Variants in NAALADL2 observed in about 807,000 individuals in gnomAD.
The protein encoded by NAALADL2 is inactive N-acetylated-alpha-linked acidic dipeptidase-like protein 2.
A neutral mutation model predicts 87.2 loss-of-function variants in NAALADL2; 76 were observed. The ratio of observed to expected loss-of-function variants is 0.87; its 90% confidence interval spans 0.72 to 1.05. NAALADL2 has a LOEUF of 1.05. NAALADL2 is among the 50% of genes least tolerant of loss of function. NAALADL2 has a pLI of 0.00. For missense variants in NAALADL2, 1,089 were observed against 945.8 expected, an observed-to-expected ratio of 1.15 and a Z score of -1.99; for synonymous variants, 354 against 331.0, an observed-to-expected ratio of 1.07 and a Z score of -0.75.
chr3:175,015,570 G>A (rs183116372), intron 1 of NAALADL2, among the ~76,000 whole-genome samples: 44 of 152,128 alleles, frequency 2.9e-4, no homozygotes, highest in African/African-American at 7.2e-4. Flanking sequence ...ACTAAGAAAC[G>A]TCTTTGCCTT....
In NAALADL2 at chr3:175,810,441, A is replaced by G. The variant is rs1048185126; in HGVS notation, c.*7238A>G. On this transcript the variant is annotated 3_prime_UTR_variant, in exon 14 of 14. Coordinates refer to ENST00000454872, the MANE Select transcript of NAALADL2 (RefSeq NM_207015.3). ...TTGAAAACATAGTACTAGGAAATGA[A>G]GGCACCATTTAACAAACGTGTTCTG... 3.3e-5 allele frequency: 5 copies of G among 152,044 alleles called. No homozygotes were observed. The highest frequency in any genetic ancestry group is 1.2e-4 in the African/African-American group (5 of 41,428). 9.4% of individuals were successfully genotyped at this position (152,044 alleles called of 1,614,324 possible). A position where few individuals can be genotyped will look rare whatever the true frequency, so the allele number is the denominator to read the frequency against.
intron 9 of NAALADL2, among the ~76,000 whole-genome samples, chr3:175,530,326 C>T (rs1410541703): frequency 1.3e-5 from 2 of 152,170 alleles, no homozygotes; most frequent in Admixed American, 6.5e-5. Flanking sequence ...TTATTTGTCG[C>T]CAATTTTCCA....
intron 9 of NAALADL2, among the ~76,000 whole-genome samples, chr3:175,503,573 C>T (rs1340768255): frequency 3.3e-5 from 5 of 152,168 alleles, no homozygotes; most frequent in Non-Finnish European, 7.4e-5. Context: ...CCTCTTTTCT[C>T]TACAACCTCA....
At chr3:174,936,893 A>G (rs1226535328) in intron 1 of NAALADL2, among the ~76,000 whole-genome samples, 1 of 152,142 alleles carries the variant, frequency 6.6e-6, no homozygotes, top group African/African-American at 2.4e-5. Flanking sequence ...AAATGGAAAG[A>G]TTTGTTGTCT....
intron 2 of NAALADL2, among the ~76,000 whole-genome samples, chr3:174,622,327 A>C (rs1436816972): frequency 6.6e-6 from 1 of 152,184 alleles, no homozygotes; most frequent in Non-Finnish European, 1.5e-5. Context: ...CTCTAAACTA[A>C]GTATATCTGT....
chr3:175,670,156 T>G lies in NAALADL2; in HGVS notation c.1896+42770T>G, dbSNP rs531227848. ...AGAATGCATAAACCTGAAAGGTAAC[T>G]TGCCCAAGGCAATAGACCAGAAAGT... is the stretch of plus-strand genomic sequence containing the variant. On this transcript the variant is annotated intron_variant, in intron 11 of 13. Transcript: ENST00000454872. Among the ~76,000 whole-genome samples the G allele has an allele frequency of 2.4e-4, 36 of 152,006 alleles. No individual in the cohort carries two copies. In the South Asian group the frequency reaches 7.0e-3, roughly 30 times the overall value.
intron 3 of NAALADL2, among the ~76,000 whole-genome samples, chr3:174,826,649 G>C (rs1401408309): frequency 6.6e-6 from 1 of 152,098 alleles, no homozygotes; most frequent in Non-Finnish European, 1.5e-5. Context: ...TTCAATATCA[G>C]TTTTCTCAGT....
chr3:175,690,175 G>A (rs1376574930), intron 11 of NAALADL2, among the ~76,000 whole-genome samples: 1 of 151,988 alleles, frequency 6.6e-6, no homozygotes. Flanking sequence ...TCTATGACTT[G>A]TGGGCCGTTC....
chr3:175,475,024 T>TACACACACACACACACAC (rs3040495), intron 9 of NAALADL2, among the ~76,000 whole-genome samples: 2,735 of 149,676 alleles, frequency 0.018, 37 homozygotes, highest in Middle Eastern at 0.047. Context: ...AACATTTAAG[T>TACACACACACACACACAC]ACACACACAC....
At chr3:174,704,655 T>C (rs537294343) in intron 2 of NAALADL2, among the ~76,000 whole-genome samples, 1 of 151,922 alleles carries the variant, frequency 6.6e-6, no homozygotes, top group Non-Finnish European at 1.5e-5. Flanking sequence ...TATCAATTCA[T>C]ATATACAGGC....
intron 13 of NAALADL2, among the ~76,000 whole-genome samples, chr3:175,801,630 T>A (rs1754161166): frequency 1.3e-5 from 2 of 152,128 alleles, no homozygotes; most frequent in African/African-American, 4.8e-5. Context: ...TAGACCTTTT[T>A]TAGACCTTTC....
intron 2 of NAALADL2, among the ~76,000 whole-genome samples, chr3:175,135,332 A>G (rs1331110274): frequency 1.3e-5 from 2 of 152,180 alleles, no homozygotes; most frequent in East Asian, 1.9e-4. Context: ...TGGGAAGATG[A>G]ATGAGGGCAT....
At chr3:175,423,120 T>C (rs1716082435) in intron 5 of NAALADL2, among the ~76,000 whole-genome samples, 1 of 146,716 alleles carries the variant, frequency 6.8e-6, no homozygotes, top group Non-Finnish European at 1.5e-5. Flanking sequence ...TTTGCATGCA[T>C]TTCAAAGGGA....
At chr3:175,734,325 C>T (rs557800464) in intron 11 of NAALADL2, among the ~76,000 whole-genome samples, 6 of 151,996 alleles carry the variant, frequency 3.9e-5, no homozygotes, top group East Asian at 1.9e-4. Flanking sequence ...GAGGCCAAAG[C>T]GGAAGGATCA....
At chr3:175,103,432 T>C (rs904546530) in intron 2 of NAALADL2, among the ~76,000 whole-genome samples, 19 of 152,192 alleles carry the variant, frequency 1.2e-4, no homozygotes, top group African/African-American at 4.6e-4. Flanking sequence ...CCATTGACAC[T>C]ATTTGTTTAG....
intron 1 of NAALADL2, chr3:175,081,122 T>C (rs547848149): frequency 6.6e-6 from 1 of 152,302 alleles, no homozygotes; most frequent in Admixed American, 6.5e-5. Flanking sequence ...TCACCTTTCT[T>C]TTAAACCGGT....
intron 11 of NAALADL2, among the ~76,000 whole-genome samples, chr3:175,629,679 C>G (rs1201995950): frequency 2.6e-5 from 4 of 151,600 alleles, no homozygotes; most frequent in Non-Finnish European, 1.5e-5. Flanking sequence ...GAGGTATAAA[C>G]ATATACTAAT....
intron 10 of NAALADL2, among the ~76,000 whole-genome samples, chr3:175,583,764 G>A (rs955726849): frequency 2.6e-5 from 4 of 152,116 alleles, no homozygotes; most frequent in Non-Finnish European, 4.4e-5. Flanking sequence ...AAAATACAAA[G>A]TTTTACTTAA....
intron 4 of NAALADL2, among the ~76,000 whole-genome samples, chr3:175,260,574 A>C (rs1750860520): frequency 6.6e-6 from 1 of 152,198 alleles, no homozygotes; most frequent in Non-Finnish European, 1.5e-5. Context: ...AAATGAGGTA[A>C]AATGTAATTC....
Sources: allele counts gnomAD v4.1 joint callset (sites outside exome capture counted in the v4.1 genomes callset), GRCh38; gene constraint gnomAD v4.1.1; transcripts MANE v1.5; gene names NCBI Gene and HGNC (gene_info 2026-07-23, HGNC 2026-07-21).